Variants in GABRG3 observed in about 807,000 individuals in gnomAD.
The protein encoded by GABRG3 is gamma-aminobutyric acid receptor subunit gamma-3.
A neutral mutation model predicts 48.8 loss-of-function variants in GABRG3; 25 were observed. The ratio of observed to expected loss-of-function variants is 0.51; its 90% CI spans 0.37 to 0.72. GABRG3 has a LOEUF of 0.72. Ranked by LOEUF, GABRG3 falls within the 30% of genes least tolerant of loss-of-function variation. The probability of loss-of-function intolerance (pLI) is 0.00; values close to 1 mark genes in which losing one functional copy is unlikely to be tolerated. For synonymous variants in GABRG3, 227 were observed against 217.6 expected (o/e 1.04, Z -0.38); for missense variants, 394 against 577.9 (o/e 0.68, Z 3.26).
chr15:27,449,668 T>C (rs1889050111), intron 5 of GABRG3, among the ~76,000 whole-genome samples: 1 of 152,232 alleles, frequency 6.6e-6, no homozygotes, highest in African/African-American at 2.4e-5. Flanking sequence ...AGAATGAGTC[T>C]GTTTATGTGA....
At chr15:27,519,931 C>G in intron 6 of GABRG3, 41 bp from the exon 7 acceptor site, 1 of 1,342,450 alleles carries the variant, frequency 7.4e-7, no homozygotes, top group East Asian at 2.6e-5. Context: ...TTATTTTTGA[C>G]CCATCAAAGT....
At chr15:27,257,895 A>G (rs1431232813) in intron 3 of GABRG3, among the ~76,000 whole-genome samples, 1 of 121,308 alleles carries the variant, frequency 8.2e-6, no homozygotes, top group East Asian at 2.0e-4. Context: ...GGCTCCAGTG[A>G]TCCTCCCACC....
chr15:27,256,684 A>C (rs1489824630), intron 3 of GABRG3, among the ~76,000 whole-genome samples: 1 of 152,146 alleles, frequency 6.6e-6, no homozygotes, highest in Non-Finnish European at 1.5e-5. Context: ...ACCCCAGGTT[A>C]GTTTTAAAAA....
At chr15:27,485,390 A>G (rs1438309541) in intron 6 of GABRG3, among the ~76,000 whole-genome samples, 1 of 152,178 alleles carries the variant, frequency 6.6e-6, no homozygotes, top group African/African-American at 2.4e-5. Flanking sequence ...AAACAAGGAG[A>G]AAGGGTCTGA....
intron 7 of GABRG3, among the ~76,000 whole-genome samples, chr15:27,525,322 T>C (rs1039293558): frequency 6.6e-6 from 1 of 152,206 alleles, no homozygotes; most frequent in Non-Finnish European, 1.5e-5. Context: ...TAGGATTCTG[T>C]GAGACCAGAA....
intron 5 of GABRG3, among the ~76,000 whole-genome samples, chr15:27,351,241 G>A (rs1423322617): frequency 6.8e-6 from 1 of 147,136 alleles, no homozygotes; most frequent in Non-Finnish European, 1.5e-5. Flanking sequence ...GTGTTTGTGT[G>A]TATGGTGTTT....
intron 3 of GABRG3, among the ~76,000 whole-genome samples, chr15:27,063,001 G>T (rs1305861816): frequency 6.6e-6 from 1 of 152,182 alleles, no homozygotes; most frequent in Non-Finnish European, 1.5e-5. Flanking sequence ...ATGGTTCAAT[G>T]TCGTGAGACG....
intron 6 of GABRG3, among the ~76,000 whole-genome samples, chr15:27,511,546 T>G (rs1890895039): frequency 6.6e-6 from 1 of 152,198 alleles, no homozygotes; most frequent in South Asian, 2.1e-4. Context: ...CACACTGATA[T>G]ACTGCTCAAC....
intron 2 of GABRG3, among the ~76,000 whole-genome samples, chr15:27,003,845 C>CGG (rs567653280): frequency 8.2e-5 from 11 of 133,976 alleles, no homozygotes; most frequent in Non-Finnish European, 1.6e-4. Context: ...GCTGGCCGGG[C>CGG]GGGGGGGGCT....
In GABRG3 at chr15:27,308,223, C is replaced by CATGTTTATATATCCAAACATATATATAT. The variant is rs1892779792; in HGVS notation, c.271-18561_271-18560insTATATGTTTATATATCCAAACATATATA. Among the ~76,000 whole-genome samples, 2 of 14,406 alleles carry CATGTTTATATATCCAAACATATATATAT rather than the reference C, an allele frequency of 1.4e-4. 1 individual carries two copies. Among genetic ancestry groups the CATGTTTATATATCCAAACATATATATAT allele is most frequent in the East Asian group, 1.9e-3 (2 of 1,060 alleles). The allele number at this position is 14,406 out of a possible 152,430, so 9.5% of individuals were successfully genotyped here. On this transcript the variant is annotated intron_variant, in intron 3 of 9. Transcript: ENST00000615808. The stretch of plus-strand genomic sequence containing the variant: ...GTTTATATATCCAAACATATATAAA[C>CATGTTTATATATCCAAACATATATATAT]ATGTTTATATATCCAAACATATATA...
intron 3 of GABRG3, among the ~76,000 whole-genome samples, chr15:27,259,967 T>A (rs1219741905): frequency 6.6e-6 from 1 of 152,150 alleles, no homozygotes; most frequent in Non-Finnish European, 1.5e-5. Flanking sequence ...TTGAGAATCT[T>A]CCTCAGTGAC....
intron 3 of GABRG3, among the ~76,000 whole-genome samples, chr15:27,095,780 G>A (rs1038049286): frequency 2.6e-5 from 4 of 152,000 alleles, no homozygotes; most frequent in Admixed American, 6.6e-5. Flanking sequence ...GACCTGGTCC[G>A]GGAAGCACGT....
At chr15:27,474,133 G>A (rs1292682558) in intron 5 of GABRG3, among the ~76,000 whole-genome samples, 1 of 152,152 alleles carries the variant, frequency 6.6e-6, no homozygotes, top group Non-Finnish European at 1.5e-5. Context: ...TGATGGAGCA[G>A]ATTAGGAATT....
chr15:27,311,034 T>G (rs546223197), intron 3 of GABRG3, among the ~76,000 whole-genome samples: 1 of 152,142 alleles, frequency 6.6e-6, no homozygotes, highest in East Asian at 1.9e-4. Context: ...AGCAGGGCTG[T>G]TTTCCTGATT....
At chr15:27,107,918 T>C (rs1388339069) in intron 3 of GABRG3, among the ~76,000 whole-genome samples, 2 of 151,870 alleles carry the variant, frequency 1.3e-5, no homozygotes, top group East Asian at 3.9e-4. Context: ...ATAACCCCTC[T>C]TTCATTTCTG....
intron 3 of GABRG3, among the ~76,000 whole-genome samples, chr15:27,250,459 T>C (rs1170565794): frequency 1.3e-5 from 2 of 151,912 alleles, no homozygotes; most frequent in Non-Finnish European, 2.9e-5. Flanking sequence ...TGAAAAGGAG[T>C]CTCCCTCTGT....
At chr15:27,044,446 A>G (rs1896329440) in intron 3 of GABRG3, among the ~76,000 whole-genome samples, 1 of 152,234 alleles carries the variant, frequency 6.6e-6, no homozygotes, top group Non-Finnish European at 1.5e-5. Flanking sequence ...GTTGATATCC[A>G]TTGTTGTCAA....
At chr15:27,022,070 A>G (rs183083769) in intron 2 of GABRG3, among the ~76,000 whole-genome samples, 1 of 152,210 alleles carries the variant, frequency 6.6e-6, no homozygotes, top group Admixed American at 6.5e-5. Flanking sequence ...CTGGTAGATG[A>G]CTGCAGAACC....
intron 3 of GABRG3, among the ~76,000 whole-genome samples, chr15:27,258,307 T>C (rs2140464706): frequency 6.6e-6 from 1 of 152,322 alleles, no homozygotes; most frequent in African/African-American, 2.4e-5. Context: ...AAGCATGATA[T>C]TTTAAAAAGT....
Sources: allele counts gnomAD v4.1 joint callset (sites outside exome capture counted in the v4.1 genomes callset), GRCh38; gene constraint gnomAD v4.1.1; transcripts MANE v1.5; gene names NCBI Gene and HGNC (gene_info 2026-07-23, HGNC 2026-07-21).